Variants in HERC3 observed in about 807,000 individuals in gnomAD.
HERC3 encodes HECT and RLD domain containing E3 ubiquitin protein ligase 3.
In HERC3, 58 loss-of-function variants were observed where a neutral mutation model predicts 129.9. The ratio of observed to expected loss-of-function variants is 0.45; its 90% CI spans 0.36 to 0.56. The LOEUF is 0.56. Among genes scored for constraint, HERC3 ranks in the 20% least tolerant of loss-of-function variants. The probability of loss-of-function intolerance (pLI) is 0.00; values close to 1 mark genes in which losing one functional copy is unlikely to be tolerated. For missense variants in HERC3, 835 were observed against 1,244.2 expected (o/e 0.67, Z 4.95); for synonymous variants, 430 against 451.0 (o/e 0.95, Z 0.59).
intron 14 of HERC3, among the ~76,000 whole-genome samples, chr4:88,669,163 C>T (rs1299477956): frequency 1.3e-5 from 2 of 152,138 alleles, no homozygotes; most frequent in African/African-American, 4.8e-5. Flanking sequence ...AGTCACCACA[C>T]AAATTCAGCA....
chr4:88,686,603 G>A (rs905480576), intron 21 of HERC3, 133 bp from the exon 22 acceptor site: 2 of 598,170 alleles, frequency 3.3e-6, no homozygotes, highest in African/African-American at 1.9e-5. Flanking sequence ...CTGTCCGTCC[G>A]GATTTATGTT....
At chr4:88,575,369 C>T in the HERC3 span, among the ~76,000 whole-genome samples, 1 of 152,136 alleles carries the variant, frequency 6.6e-6, no homozygotes, top group Non-Finnish European at 1.5e-5. Context: ...GTCTCTGTGT[C>T]ATTCTAGAGC....
the HERC3 span, among the ~76,000 whole-genome samples, chr4:88,566,324 C>T: frequency 6.6e-6 from 1 of 152,128 alleles, no homozygotes; most frequent in Non-Finnish European, 1.5e-5. Context: ...TTATTTTAAC[C>T]TGATGAGAGC....
At chr4:88,532,970 C>T in the HERC3 span, among the ~76,000 whole-genome samples, 14 of 152,198 alleles carry the variant, frequency 9.2e-5, no homozygotes, top group African/African-American at 2.7e-4. Context: ...TTGACTCACA[C>T]GGTCACCAGG....
At chr4:88,650,129 T>G in intron 4 of HERC3, 130 bp downstream of exon 4, 2 of 857,412 alleles carry the variant, frequency 2.3e-6, no homozygotes, top group Non-Finnish European at 3.5e-6. Context: ...TGCCTTATAC[T>G]ATTAAAACAC....
chr4:88,700,985 TA>T (rs2149347018), intron 23 of HERC3, among the ~76,000 whole-genome samples: 1 of 152,224 alleles, frequency 6.6e-6, no homozygotes, highest in East Asian at 1.9e-4. Flanking sequence ...TCATCCCAAC[TA>T]AAAAAATATC....
the HERC3 span, among the ~76,000 whole-genome samples, chr4:88,544,275 C>T: frequency 6.6e-6 from 1 of 152,306 alleles, no homozygotes. Flanking sequence ...TGAACAGACA[C>T]TTCTCAAAAG....
intron 2 of HERC3, among the ~76,000 whole-genome samples, chr4:88,596,290 A>T (rs1722381523): frequency 1.3e-5 from 2 of 151,992 alleles, no homozygotes; most frequent in African/African-American, 4.8e-5. Flanking sequence ...TGATAATATA[A>T]CTCTGTCCCC....
Position 88,658,294 on chromosome 4 carries a change from T to C in HERC3, c.1070-121T>C, listed in dbSNP as rs1730130680. On this transcript the variant is annotated intron_variant, in intron 9 of 25. Transcript: ENST00000402738. ...GCCAGGGGAGAAGATTTCTTACTTC[T>C]GTGACACAATTAAAATGGATAGGTA... 2.1e-5 allele frequency: 11 copies of C among 526,498 alleles called. No homozygotes were observed. The South Asian group carries it at 3.3e-4, about 16-fold the overall frequency. 32.6% of individuals were successfully genotyped at this position (526,498 alleles called of 1,614,324 possible). A position where few individuals can be genotyped will look rare whatever the true frequency, so the allele number is the denominator to read the frequency against.
At chr4:88,690,837 T>G (rs1734001418) in intron 23 of HERC3, among the ~76,000 whole-genome samples, 1 of 152,216 alleles carries the variant, frequency 6.6e-6, no homozygotes, top group Non-Finnish European at 1.5e-5. Flanking sequence ...TCAACAGACA[T>G]TTCTTTGAAT....
chr4:88,526,269 G>T, the HERC3 span, among the ~76,000 whole-genome samples: 7 of 152,184 alleles, frequency 4.6e-5, no homozygotes, highest in African/African-American at 1.7e-4. Flanking sequence ...ACAATTCTTG[G>T]ATTATCACAC....
chr4:88,667,526 G>A, intron 13 of HERC3, 38 bp downstream of exon 13: 2 of 1,141,384 alleles, frequency 1.8e-6, no homozygotes, highest in South Asian at 1.4e-5. Context: ...TCTTAAAAAT[G>A]CATTTTTGTA....
chr4:88,568,132 A>G, the HERC3 span, among the ~76,000 whole-genome samples: 4 of 152,240 alleles, frequency 2.6e-5, no homozygotes, highest in Non-Finnish European at 5.9e-5. Context: ...TTCCCCAGAC[A>G]AACAGAGTCT....
chr4:88,615,971 C>A (rs1408113263), intron 3 of HERC3, among the ~76,000 whole-genome samples: 1 of 152,010 alleles, frequency 6.6e-6, no homozygotes. Context: ...ACATTCATGA[C>A]AAATACATAC....
intron 3 of HERC3, among the ~76,000 whole-genome samples, chr4:88,645,919 C>T (rs956170476): frequency 6.6e-6 from 1 of 152,132 alleles, no homozygotes. Context: ...ATGTGTTTCT[C>T]GTGTGAACAG....
the HERC3 span, among the ~76,000 whole-genome samples, chr4:88,575,409 A>G: frequency 6.6e-6 from 1 of 152,236 alleles, no homozygotes; most frequent in South Asian, 2.1e-4. Flanking sequence ...GCTGACAAGC[A>G]TCAACAGCTG....
At chr4:88,654,349 CATATATATATATATATATATATAT>C (rs869126362) in intron 7 of HERC3, among the ~76,000 whole-genome samples, 11 of 70,970 alleles carry the variant, frequency 1.5e-4, no homozygotes, top group South Asian at 5.5e-4. Context: ...GTAGATTTTT[CATATATATATATATATATATATAT>C]ATATATATAT....
chr4:88,564,620 G>T, the HERC3 span, among the ~76,000 whole-genome samples: 2 of 151,822 alleles, frequency 1.3e-5, no homozygotes, highest in African/African-American at 4.8e-5. Context: ...ATCTGTTTGA[G>T]TTTTCTCTCT....
chr4:88,636,249 C>A (rs1251725065), intron 3 of HERC3, among the ~76,000 whole-genome samples: 1 of 152,044 alleles, frequency 6.6e-6, no homozygotes, highest in African/African-American at 2.4e-5. Context: ...ATTCAAGAGA[C>A]CCATCTCATG....
Sources: allele counts gnomAD v4.1 joint callset (sites outside exome capture counted in the v4.1 genomes callset), GRCh38; gene constraint gnomAD v4.1.1; transcripts MANE v1.5; gene names NCBI Gene and HGNC (gene_info 2026-07-23, HGNC 2026-07-21).